Variants in SLK observed in about 807,000 individuals in gnomAD.
SLK encodes STE20-like serine/threonine-protein kinase.
In SLK, 67 loss-of-function variants were observed where a neutral mutation model predicts 147.7. The ratio of observed to expected loss-of-function variants is 0.45; its 90% CI spans 0.37 to 0.56. The LOEUF (loss-of-function observed/expected upper bound fraction) is 0.56. Among genes scored for constraint, SLK ranks in the 20% least tolerant of loss-of-function variants. The probability of loss-of-function intolerance (pLI) is 0.00; values close to 1 mark genes in which losing one functional copy is unlikely to be tolerated. For missense variants in SLK, 1,136 were observed against 1,438.8 expected (o/e 0.79, Z 3.41); for synonymous variants, 441 against 475.0 (o/e 0.93, Z 0.93).
chr10:103,991,799 GTTA>G (rs930615898), intron 2 of SLK, among the ~76,000 whole-genome samples: 54 of 151,990 alleles, frequency 3.6e-4, no homozygotes, highest in African/African-American at 1.3e-3. Context: ...TAAAATTATA[GTTA>G]TTATTAATGT....
Position 104,003,163 on chromosome 10 carries a change from A to G in SLK, c.1985A>G (p.Gln662Arg), listed in dbSNP as rs759058756. The change falls in exon 9 of 19, where the codon CAA (glutamine) becomes CGA (arginine). Residue 662 changes from glutamine (Q) to arginine (R), a missense_variant. This residue lies in a region of SLK where 516 missense variants were observed against 531.3 expected (regional missense o/e 0.97). Coordinates refer to ENST00000369755, the MANE Select transcript of SLK (RefSeq NM_014720.4). ...AGAAGTGTGGTGGCTGATACTGACCAAAAGGCTTTAGGAAGTGAAGTTCAG... is the reference window on the plus strand; with the variant it reads ...AGAAGTGTGGTGGCTGATACTGACCGAAAGGCTTTAGGAAGTGAAGTTCAG... ...EVRSVVADTD[Q>R]KALGSEVQDA... 1.2e-6 allele frequency: 2 copies of G among 1,614,106 alleles called. No individual in the cohort carries two copies. Among genetic ancestry groups the G allele is most frequent in the Non-Finnish European group, 1.7e-6 (2 of 1,179,988 alleles).
chr10:103,972,396 G>T (rs1197072856), intron 1 of SLK, among the ~76,000 whole-genome samples: 2 of 152,228 alleles, frequency 1.3e-5, no homozygotes, highest in South Asian at 2.1e-4. Context: ...TGCCCTGCCA[G>T]GCGCGGTGGC....
intron 1 of SLK, among the ~76,000 whole-genome samples, chr10:103,982,471 A>G (rs1019821633): frequency 2.0e-5 from 3 of 152,242 alleles, no homozygotes; most frequent in Non-Finnish European, 4.4e-5. Flanking sequence ...CAATATAAAT[A>G]AAATAGAGTT....
At chr10:103,982,085 C>T (rs987708241) in intron 1 of SLK, among the ~76,000 whole-genome samples, 9 of 152,210 alleles carry the variant, frequency 5.9e-5, no homozygotes, top group African/African-American at 9.6e-5. Context: ...TTGATGCTAT[C>T]GTAAATGGGA....
At chr10:103,984,790 C>T (rs1843991297) in intron 1 of SLK, among the ~76,000 whole-genome samples, 1 of 152,148 alleles carries the variant, frequency 6.6e-6, no homozygotes, top group Admixed American at 6.6e-5. Flanking sequence ...TGACTGTCCA[C>T]TCCCCAAAAT....
rs1295348282 is a variant in SLK, at chr10:104,026,220, T to C, written c.*500T>C. 3 of 152,678 alleles carry C rather than the reference T, an allele frequency of 2.0e-5. No individual in the cohort carries two copies. Among genetic ancestry groups the C allele is most frequent in the Admixed American group, 6.5e-5 (1 of 15,288 alleles). The allele number at this position is 152,678 out of a possible 1,614,324, so 9.5% of individuals were successfully genotyped here. A position where few individuals can be genotyped will look rare whatever the true frequency, so the allele number is the denominator to read the frequency against. On this transcript the variant is annotated 3_prime_UTR_variant, in exon 19 of 19. Coordinates refer to ENST00000369755, the MANE Select transcript of SLK (RefSeq NM_014720.4). ...GCTGTTGACTCAGTAAATGAATATA[T>C]TTTTTTCTTTAAATAGGAACAACCT...
At chr10:104,004,869 C>T (rs1844303066) in intron 9 of SLK, among the ~76,000 whole-genome samples, 1 of 152,060 alleles carries the variant, frequency 6.6e-6, no homozygotes, top group Non-Finnish European at 1.5e-5. Context: ...AGAGTTTAGT[C>T]TTAATAAAGA....
Position 104,003,253 on chromosome 10 carries a change from AAG to A in SLK, c.2078_2079del (p.Glu693AlafsTer2). ...AAAGAAATTCCAGTGTCAATTAAAA[AAG>A]AGCCTGAAGTTACTGTAGTTTCACA... On this transcript the variant is annotated frameshift_variant, in exon 9 of 19. Transcript: ENST00000369755. LOFTEE classifies it high-confidence loss of function. The A allele has an allele frequency of 6.2e-7, 1 of 1,612,948 alleles. No homozygotes were observed. Among genetic ancestry groups the A allele is most frequent in the Non-Finnish European group, 8.5e-7 (1 of 1,179,742 alleles).
In SLK at chr10:104,020,715, G is replaced by A. The variant is rs1315794644; in HGVS notation, c.3447+102G>A. On this transcript the variant is annotated intron_variant, in intron 17 of 18. Transcript: ENST00000369755. ...AGCCAAAGTCAACTGCATCATACAC[G>A]AACATGCTGGGTTTGAGAGGTTCTG... is the stretch of plus-strand genomic sequence containing the variant. 13 of 1,265,598 alleles carry A rather than the reference G, an allele frequency of 1.0e-5. No individual in the cohort carries two copies. In the East Asian group the frequency reaches 1.7e-4, roughly 16 times the overall value. 78.4% of individuals were successfully genotyped at this position (1,265,598 alleles called of 1,614,324 possible).
chr10:104,009,686 A>G (rs1180614446), intron 12 of SLK, among the ~76,000 whole-genome samples: 3 of 152,300 alleles, frequency 2.0e-5, no homozygotes, highest in Admixed American at 6.5e-5. Context: ...TCCTAAATAT[A>G]AAAGTCTCAG....
At chr10:104,021,489 A>T (rs1488621491) in intron 17 of SLK, 131 bp from the exon 18 acceptor site, 1 of 565,260 alleles carries the variant, frequency 1.8e-6, no homozygotes. Flanking sequence ...CTTGGTTTTT[A>T]TAGAGGAAAA....
At chr10:104,001,058 CAAAAAAAAAAA>C (rs57046306) in intron 7 of SLK, among the ~76,000 whole-genome samples, 11 of 71,006 alleles carry the variant, frequency 1.5e-4, no homozygotes, top group Admixed American at 5.4e-4. Flanking sequence ...GACTCCGTCT[CAAAAAAAAAAA>C]AAAAAAAAAA....
intron 1 of SLK, among the ~76,000 whole-genome samples, chr10:103,979,941 G>A (rs1025499448): frequency 2.0e-5 from 3 of 152,166 alleles, no homozygotes; most frequent in African/African-American, 7.2e-5. Flanking sequence ...CCAAGATGGT[G>A]AAGATATCCT....
chr10:103,992,141 G>GTTTTTTTTTTTTTTTTTTTTTTTTTT (rs56381345), intron 2 of SLK, among the ~76,000 whole-genome samples: 9 of 91,800 alleles, frequency 9.8e-5, no homozygotes, highest in Non-Finnish European at 1.7e-4. Context: ...TATTTCTTCT[G>GTTTTTTTTTTTTTTTTTTTTTTTTTT]TTTTTTTTTT....
chr10:103,973,047 A>G (rs1843815277), intron 1 of SLK, among the ~76,000 whole-genome samples: 1 of 152,148 alleles, frequency 6.6e-6, no homozygotes, highest in South Asian at 2.1e-4. Context: ...CCAATTTGTT[A>G]GTTTTTTCCT....
At chr10:104,005,746 G>A (rs548169077) in intron 10 of SLK, 55 bp downstream of exon 10, 34 of 1,560,672 alleles carry the variant, frequency 2.2e-5, no homozygotes, top group Non-Finnish European at 2.5e-5. Context: ...TTCAGTCTCT[G>A]AAAAGTCAGA....
rs1173113084 is a variant in SLK at position 104,025,789 on chromosome 10, A to T, written c.*69A>T. ...TCATTCTGTTCTCATCTTCTGCCAC[A>T]GTCTCTCAGATAGCTCATGAAGACA... On this transcript the variant is annotated 3_prime_UTR_variant, in exon 19 of 19. Coordinates refer to ENST00000369755, the MANE Select transcript of SLK (RefSeq NM_014720.4). 2 of 1,364,998 alleles carry T rather than the reference A, an allele frequency of 1.5e-6. No individual in the cohort carries two copies. The highest frequency in any genetic ancestry group is 2.1e-6 in the Non-Finnish European group (2 of 970,062). The allele number at this position is 1,364,998 out of a possible 1,614,324, so 84.6% of individuals were successfully genotyped here.
At chr10:104,008,117 C>G in intron 11 of SLK, 60 bp from the exon 12 acceptor site, 2 of 1,275,158 alleles carry the variant, frequency 1.6e-6, no homozygotes, top group Non-Finnish European at 2.2e-6. Flanking sequence ...AACATCTTTA[C>G]TATAAGGTAT....
chr10:103,971,229 A>G (rs958846893), intron 1 of SLK, among the ~76,000 whole-genome samples: 10 of 150,018 alleles, frequency 6.7e-5, no homozygotes, highest in African/African-American at 2.5e-4. Context: ...ATCCTTCACA[A>G]TATTTTATCT....
Sources: allele counts gnomAD v4.1 joint callset (sites outside exome capture counted in the v4.1 genomes callset), GRCh38; gene constraint gnomAD v4.1.1; regional missense constraint gnomAD v4.1.1; transcripts MANE v1.5; gene names NCBI Gene and HGNC (gene_info 2026-07-23, HGNC 2026-07-21).